Variants in PSD3 observed in about 807,000 individuals in gnomAD.
PSD3 encodes the protein PH and SEC7 domain-containing protein 3.
Under a neutral mutation model 105.5 loss-of-function variants are expected in PSD3, and 49 were observed. That is an observed-to-expected ratio of 0.46 (90% CI 0.37 to 0.59). PSD3 has a LOEUF of 0.59. Among genes scored for constraint, PSD3 ranks in the 20% least tolerant of loss-of-function variants. The pLI is 0.00. For missense variants in PSD3, 1,561 were observed against 1,263.8 expected, an observed-to-expected ratio of 1.24 and a Z score of -3.57; for synonymous variants, 557 against 457.8, an observed-to-expected ratio of 1.22 and a Z score of -2.77.
chr8:18,623,336 G>A (rs1024734800), intron 11 of PSD3, among the ~76,000 whole-genome samples: 1 of 150,914 alleles, frequency 6.6e-6, no homozygotes, highest in Admixed American at 6.6e-5. Flanking sequence ...TATAGGCCAG[G>A]AGCAGTGGCT....
chr8:18,615,506 T>C (rs918888331), intron 11 of PSD3, among the ~76,000 whole-genome samples: 1 of 152,188 alleles, frequency 6.6e-6, no homozygotes, highest in Non-Finnish European at 1.5e-5. Flanking sequence ...TGCTGAGAAT[T>C]AAAAAGAAAA....
chr8:18,926,839 C>G (rs1322560944), intron 2 of PSD3, among the ~76,000 whole-genome samples: 1 of 152,112 alleles, frequency 6.6e-6, no homozygotes, highest in Non-Finnish European at 1.5e-5. Flanking sequence ...TCAGATCCTA[C>G]AGGTTGAGGG....
chr8:18,902,149 T>C (rs1289088034), intron 2 of PSD3, among the ~76,000 whole-genome samples: 6 of 152,216 alleles, frequency 3.9e-5, no homozygotes, highest in Non-Finnish European at 1.5e-5. Flanking sequence ...CTTTCTATGC[T>C]TTTTTCTTTC....
In PSD3 at chr8:18,535,669, T is replaced by C; in HGVS notation, c.*74A>G. ...ACAGACTTTTTTTTTTTAAATATAT[T>C]CACGGATTACCAGAAAGATCTTGAA... On this transcript the variant is annotated 3_prime_UTR_variant, in exon 16 of 16. Transcript: ENST00000327040. The C allele has an allele frequency of 8.0e-7, 1 of 1,255,920 alleles. No individual in the cohort carries two copies. The highest frequency in any genetic ancestry group is 1.1e-6 in the Non-Finnish European group (1 of 869,634). 77.8% of individuals were successfully genotyped at this position (1,255,920 alleles called of 1,614,324 possible).
chr8:18,621,805 C>T (rs1806129948), intron 11 of PSD3, among the ~76,000 whole-genome samples: 1 of 152,182 alleles, frequency 6.6e-6, no homozygotes, highest in Non-Finnish European at 1.5e-5. Flanking sequence ...GAGTCTTGCT[C>T]TAACAGGAGG....
At chr8:18,859,320 C>T (rs1816259942) in intron 4 of PSD3, among the ~76,000 whole-genome samples, 1 of 149,766 alleles carries the variant, frequency 6.7e-6, no homozygotes, top group Non-Finnish European at 1.5e-5. Context: ...TGTTATCTAG[C>T]CTTTGTAGTT....
intron 9 of PSD3, among the ~76,000 whole-genome samples, chr8:18,725,029 C>A (rs1467694087): frequency 1.3e-5 from 2 of 152,134 alleles, no homozygotes; most frequent in Non-Finnish European, 2.9e-5. Context: ...TGTTGGGAAT[C>A]ATTGAGCAAA....
intron 1 of PSD3, among the ~76,000 whole-genome samples, chr8:18,944,876 C>A (rs145542143): frequency 6.6e-6 from 1 of 152,138 alleles, no homozygotes; most frequent in Non-Finnish European, 1.5e-5. Context: ...CATTTATTTA[C>A]TTTCTCACGC....
In PSD3 at chr8:18,816,478, C is replaced by T. The variant is rs373334718; in HGVS notation, c.1635-11580G>A. On this transcript the variant is annotated intron_variant, in intron 4 of 15. Coordinates refer to ENST00000327040, the MANE Select transcript of PSD3 (RefSeq NM_015310.4). ...CGATATTACTACAGGTTATACTGCA[C>T]GCATAACTTTGGTGTATATAGGAAC... 8.9e-4 allele frequency among the ~76,000 whole-genome samples: 135 copies of T among 152,254 alleles called. 2 individuals carry two copies. The South Asian group carries it at 0.026, about 29-fold the overall frequency.
rs1348106463 is a variant in PSD3 at position 18,530,666 on chromosome 8, C to T, written c.*5077G>A. On this transcript the variant is annotated 3_prime_UTR_variant, in exon 16 of 16. Transcript: ENST00000327040. The stretch of plus-strand genomic sequence containing the variant: ...TTAAGTGCTCTTAATACTAAAGTTA[C>T]TAAGACTGCACAGGCTGCCTTTTTT... 13 of 149,796 alleles carry T rather than the reference C, an allele frequency of 8.7e-5. No homozygotes were observed. Among genetic ancestry groups the T allele is most frequent in the Non-Finnish European group, 7.4e-5 (5 of 67,642 alleles). The allele number at this position is 149,796 out of a possible 1,614,324, so 9.3% of individuals were successfully genotyped here.
At chr8:19,008,235 CAT>C (rs144517919) in intron 1 of PSD3, among the ~76,000 whole-genome samples, 3,412 of 152,228 alleles carry the variant, frequency 0.022, 138 homozygotes, top group African/African-American at 0.078. Flanking sequence ...ATCGGCGAAA[CAT>C]AAAAATCTGC....
intron 4 of PSD3, among the ~76,000 whole-genome samples, chr8:18,830,339 G>A (rs1340139558): frequency 1.3e-5 from 2 of 152,214 alleles, no homozygotes; most frequent in Non-Finnish European, 2.9e-5. Context: ...TACAAGTGCT[G>A]TTGCTGAAAT....
chr8:18,632,155 T>C (rs952145310), intron 11 of PSD3, among the ~76,000 whole-genome samples: 1 of 152,044 alleles, frequency 6.6e-6, no homozygotes, highest in Non-Finnish European at 1.5e-5. Context: ...ATTCCACATA[T>C]GTACTGGATA....
intron 8 of PSD3, among the ~76,000 whole-genome samples, chr8:18,777,008 G>C (rs974745366): frequency 3.2e-4 from 48 of 151,664 alleles, no homozygotes; most frequent in African/African-American, 1.1e-3. Context: ...ATTGATTTTG[G>C]TCTTTTTTCT....
At chr8:18,751,599 A>C (rs1355764000) in intron 9 of PSD3, among the ~76,000 whole-genome samples, 1 of 149,150 alleles carries the variant, frequency 6.7e-6, no homozygotes, top group Non-Finnish European at 1.5e-5. Flanking sequence ...CACTAGCAAC[A>C]CTAAGGCAGG....
At chr8:18,640,154 T>A (rs1039406022) in intron 10 of PSD3, among the ~76,000 whole-genome samples, 2 of 152,122 alleles carry the variant, frequency 1.3e-5, no homozygotes, top group African/African-American at 4.8e-5. Flanking sequence ...ACTCCGTTGA[T>A]ATAGACCAAT....
chr8:18,742,981 T>A (rs1445071168), intron 9 of PSD3, among the ~76,000 whole-genome samples: 1 of 152,204 alleles, frequency 6.6e-6, no homozygotes, highest in East Asian at 1.9e-4. Flanking sequence ...ATTTCCAATG[T>A]GAGGGACAAG....
At chr8:18,648,395 A>AC in intron 10 of PSD3, among the ~76,000 whole-genome samples, 1 of 152,344 alleles carries the variant, frequency 6.6e-6, no homozygotes, top group Non-Finnish European at 1.5e-5. Flanking sequence ...ACTTGGAGGC[A>AC]CTGTGCCCCT....
chr8:18,653,704 T>C (rs1451891685), intron 10 of PSD3, among the ~76,000 whole-genome samples: 1 of 152,024 alleles, frequency 6.6e-6, no homozygotes, highest in Admixed American at 6.5e-5. Context: ...ACGCAAGATA[T>C]AGCTTTCTTG....
Sources: allele counts gnomAD v4.1 joint callset (sites outside exome capture counted in the v4.1 genomes callset), GRCh38; gene constraint gnomAD v4.1.1; transcripts MANE v1.5; gene names NCBI Gene and HGNC (gene_info 2026-07-23, HGNC 2026-07-21).